WWOX: variants seen among roughly 807,000 people sequenced by gnomAD.
WWOX encodes WW domain containing oxidoreductase, also known as WW domain-containing oxidoreductase.
In WWOX, 69 loss-of-function variants were observed where a neutral mutation model predicts 46.2. The observed-to-expected ratio is 1.49, with a 90% CI of 1.23 to 1.82. The LOEUF (loss-of-function observed/expected upper bound fraction) is 1.82, where lower values mean the gene tolerates loss of function less well. WWOX is among the 40% of genes most tolerant of loss of function. The pLI, the probability that WWOX is intolerant of heterozygous loss-of-function variation, is 0.00. For synonymous variants in WWOX, 359 were observed against 202.6 expected, an observed-to-expected ratio of 1.77 and a Z score of -6.56; for missense variants, 919 against 542.6, an observed-to-expected ratio of 1.69 and a Z score of -6.89.
chr16:78,317,740 C>G (rs1021521647), intron 5 of WWOX, among the ~76,000 whole-genome samples: 1 of 152,154 alleles, frequency 6.6e-6, no homozygotes, highest in Non-Finnish European at 1.5e-5. Flanking sequence ...GGGCCCCCTT[C>G]ACGGTGTCCT....
At chr16:78,803,507 T>C (rs1044866241) in intron 8 of WWOX, among the ~76,000 whole-genome samples, 1 of 152,178 alleles carries the variant, frequency 6.6e-6, no homozygotes, top group Admixed American at 6.5e-5. Flanking sequence ...AGTGCAGTGG[T>C]GCGATCACAG....
intron 8 of WWOX, among the ~76,000 whole-genome samples, chr16:78,732,747 T>C (rs573857907): frequency 6.6e-6 from 1 of 152,258 alleles, no homozygotes; most frequent in African/African-American, 2.4e-5. Flanking sequence ...TAAAAGTAAA[T>C]AAGGGGAAAT....
chr16:78,414,973 T>C (rs185732076), intron 6 of WWOX, among the ~76,000 whole-genome samples: 1 of 151,834 alleles, frequency 6.6e-6, no homozygotes. Flanking sequence ...ATAAAGAAAG[T>C]AAAAGAATAA....
At chr16:78,735,173 C>G (rs1312546228) in intron 8 of WWOX, among the ~76,000 whole-genome samples, 1 of 151,946 alleles carries the variant, frequency 6.6e-6, no homozygotes, top group Non-Finnish European at 1.5e-5. Context: ...GGCCTGACAT[C>G]AGTCTTTTCC....
At chr16:78,328,105 C>T (rs984279350) in intron 5 of WWOX, among the ~76,000 whole-genome samples, 1 of 152,004 alleles carries the variant, frequency 6.6e-6, no homozygotes, top group Non-Finnish European at 1.5e-5. Flanking sequence ...AACTCCTGGC[C>T]TCATGTGATT....
chr16:79,186,956 T>A (rs775464626), intron 8 of WWOX, among the ~76,000 whole-genome samples: 3 of 152,188 alleles, frequency 2.0e-5, no homozygotes, highest in Non-Finnish European at 4.4e-5. Flanking sequence ...GTGACAGGTG[T>A]CACTATATCA....
intron 8 of WWOX, among the ~76,000 whole-genome samples, chr16:78,999,178 A>T (rs1381193261): frequency 1.3e-5 from 2 of 149,942 alleles, no homozygotes; most frequent in African/African-American, 4.9e-5. Flanking sequence ...TCTTCTAAGG[A>T]TGGCTGCATC....
At chr16:78,554,406 G>T (rs2044241138) in intron 8 of WWOX, among the ~76,000 whole-genome samples, 1 of 151,930 alleles carries the variant, frequency 6.6e-6, no homozygotes, top group Non-Finnish European at 1.5e-5. Context: ...GCAACCTGAG[G>T]CATAAATGGG....
intron 8 of WWOX, among the ~76,000 whole-genome samples, chr16:79,028,362 A>G (rs992556631): frequency 2.6e-5 from 4 of 151,880 alleles, no homozygotes; most frequent in Admixed American, 1.3e-4. Context: ...TTCAAAATAT[A>G]GCTAAATTCA....
At chr16:78,172,223 G>T (rs550853733) in intron 5 of WWOX, among the ~76,000 whole-genome samples, 2 of 152,180 alleles carry the variant, frequency 1.3e-5, no homozygotes, top group African/African-American at 4.8e-5. Context: ...AAGTACATCC[G>T]CTGCGCTTCT....
intron 8 of WWOX, among the ~76,000 whole-genome samples, chr16:78,699,632 G>A (rs1303513097): frequency 6.6e-6 from 1 of 152,160 alleles, no homozygotes; most frequent in African/African-American, 2.4e-5. Flanking sequence ...GTTAATCAAT[G>A]ATTATCAATG....
chr16:78,865,994 C>A (rs1427441129), intron 8 of WWOX, among the ~76,000 whole-genome samples: 1 of 152,136 alleles, frequency 6.6e-6, no homozygotes, highest in African/African-American at 2.4e-5. Context: ...TCACATACTA[C>A]GCAGAAAGGG....
At chr16:78,602,003 A>G (rs557740435) in intron 8 of WWOX, among the ~76,000 whole-genome samples, 8 of 152,330 alleles carry the variant, frequency 5.3e-5, no homozygotes, top group South Asian at 2.1e-4. Context: ...CAGGCAAACA[A>G]TGGTTTCGTA....
Position 78,795,484 on chromosome 16 carries a change from A to C in WWOX, c.1056+362732A>C, listed in dbSNP as rs147307922. Among the ~76,000 whole-genome samples, 136 of 149,670 alleles carry C rather than the reference A, an allele frequency of 9.1e-4. 1 individual carries two copies. Among genetic ancestry groups the C allele is most frequent in the African/African-American group, 3.2e-3 (130 of 40,878 alleles). ...CAACCTCCATCTAGATGGAGTGCTC[A>C]CAAGATCCTCTACATCAAACCTGGC... On this transcript the variant is annotated intron_variant, in intron 8 of 8. Coordinates refer to ENST00000566780, the MANE Select transcript of WWOX (RefSeq NM_016373.4).
At chr16:78,989,264 C>T (rs1260624692) in intron 8 of WWOX, among the ~76,000 whole-genome samples, 2 of 151,978 alleles carry the variant, frequency 1.3e-5, no homozygotes, top group Admixed American at 6.6e-5. Flanking sequence ...AATTCTAATT[C>T]AATTAGAAGG....
chr16:78,980,988 A>G (rs562190383), intron 8 of WWOX, among the ~76,000 whole-genome samples: 1 of 152,158 alleles, frequency 6.6e-6, no homozygotes, highest in Non-Finnish European at 1.5e-5. Context: ...TTCTTGGCTT[A>G]TGTAGAAATC....
chr16:78,762,310 T>G (rs552803218), intron 8 of WWOX, among the ~76,000 whole-genome samples: 67 of 152,332 alleles, frequency 4.4e-4, no homozygotes, highest in Non-Finnish European at 6.2e-4. Context: ...CAGCATCTGC[T>G]GAGAGCTTGC....
At chr16:78,367,243 T>G (rs1325432413) in intron 5 of WWOX, among the ~76,000 whole-genome samples, 2 of 152,144 alleles carry the variant, frequency 1.3e-5, no homozygotes, top group Admixed American at 1.3e-4. Context: ...CCTCCCAAAG[T>G]GCTGGGATTA....
At chr16:78,492,422 T>G (rs1330930342) in intron 8 of WWOX, among the ~76,000 whole-genome samples, 1 of 152,228 alleles carries the variant, frequency 6.6e-6, no homozygotes, top group Non-Finnish European at 1.5e-5. Flanking sequence ...TGGATAAAAC[T>G]GACCTCCCAG....
Sources: gnomAD v4.1 joint callset for allele counts (sites outside exome capture counted in the v4.1 genomes callset) on GRCh38, gnomAD v4.1.1 for gene constraint, MANE v1.5 for transcripts, NCBI Gene and HGNC (gene_info 2026-07-23, HGNC 2026-07-21) for gene names.